The following NECAB1 variants were observed in gnomAD, a reference collection of about 807,000 sequenced individuals.
The protein encoded by NECAB1 is N-terminal EF-hand calcium-binding protein 1.
In NECAB1, 29 loss-of-function variants were observed where a neutral mutation model predicts 57.5. The ratio of observed to expected loss-of-function variants is 0.50; its 90% CI spans 0.38 to 0.69. The LOEUF (loss-of-function observed/expected upper bound fraction) is 0.69, where lower values mean the gene tolerates loss of function less well. Among genes scored for constraint, NECAB1 ranks in the 30% least tolerant of loss-of-function variants. The pLI, the probability that NECAB1 is intolerant of heterozygous loss-of-function variation, is 0.00. For synonymous variants in NECAB1, 142 were observed against 147.7 expected (o/e 0.96, Z 0.28); for missense variants, 372 against 413.8 (o/e 0.90, Z 0.88).
intron 3 of NECAB1, among the ~76,000 whole-genome samples, chr8:90,857,803 A>G (rs2129798177): frequency 6.6e-6 from 1 of 152,276 alleles, no homozygotes; most frequent in South Asian, 2.1e-4. Flanking sequence ...AGAATTTACA[A>G]TAATTAGTGA....
intron 5 of NECAB1, among the ~76,000 whole-genome samples, chr8:90,917,253 G>T (rs1809975588): frequency 6.6e-6 from 1 of 151,910 alleles, no homozygotes; most frequent in Admixed American, 6.6e-5. Flanking sequence ...TTAATCTTGA[G>T]GCAGGTATAT....
chr8:90,855,117 G>C (rs1284856153), intron 3 of NECAB1, among the ~76,000 whole-genome samples: 2 of 152,190 alleles, frequency 1.3e-5, no homozygotes, highest in African/African-American at 4.8e-5. Context: ...ATCTTGGGCA[G>C]AAGCAGTCAT....
At chr8:90,934,452 A>C (rs962554765) in intron 9 of NECAB1, 95 bp downstream of exon 9, 1 of 814,620 alleles carries the variant, frequency 1.2e-6, no homozygotes, top group African/African-American at 1.8e-5. Flanking sequence ...GAAAAATTGA[A>C]AAACCAAGTA....
intron 10 of NECAB1, among the ~76,000 whole-genome samples, chr8:90,948,082 T>G (rs1186289604): frequency 6.6e-6 from 1 of 152,168 alleles, no homozygotes; most frequent in Non-Finnish European, 1.5e-5. Context: ...TTAAGAAAAT[T>G]GATATGGATT....
chr8:90,913,431 A>G (rs374030922), intron 5 of NECAB1, among the ~76,000 whole-genome samples: 10 of 152,262 alleles, frequency 6.6e-5, no homozygotes, highest in African/African-American at 1.9e-4. Context: ...TTACTTTCCC[A>G]TATTCTTTCT....
intron 3 of NECAB1, among the ~76,000 whole-genome samples, chr8:90,863,422 T>C (rs1808447467): frequency 6.6e-6 from 1 of 152,160 alleles, no homozygotes; most frequent in African/African-American, 2.4e-5. Context: ...AGTAACATTC[T>C]TATTTCTCTG....
At position 90,925,670 on chromosome 8, in the gene NECAB1, C is replaced by T. The variant is rs776783424; in HGVS notation, c.616+14C>T. The stretch of plus-strand genomic sequence containing the variant: ...TCAGCGGTCCAGGTAACATACCCTT[C>T]ATTTGTTTTTATTTGTCAAAGTCTA... On this transcript the variant is annotated intron_variant, in intron 7 of 12. Transcript: ENST00000417640. The T allele has an allele frequency of 3.5e-5, 57 of 1,613,200 alleles. No individual in the cohort carries two copies. The highest frequency in any genetic ancestry group is 4.7e-5 in the Non-Finnish European group (56 of 1,179,532).
intron 3 of NECAB1, among the ~76,000 whole-genome samples, chr8:90,856,187 A>G (rs1337617681): frequency 6.6e-6 from 1 of 152,216 alleles, no homozygotes; most frequent in Non-Finnish European, 1.5e-5. Flanking sequence ...TAACAGTTTC[A>G]GTCACTTGTT....
At chr8:90,951,348 T>C in intron 12 of NECAB1, 144 bp downstream of exon 12, 1 of 536,918 alleles carries the variant, frequency 1.9e-6, no homozygotes, top group East Asian at 3.6e-5. Flanking sequence ...GATTTGAGAT[T>C]GGGGGGAAGA....
chr8:90,893,793 G>A (rs1038256198), intron 5 of NECAB1, among the ~76,000 whole-genome samples: 2 of 152,142 alleles, frequency 1.3e-5, no homozygotes, highest in African/African-American at 2.4e-5. Flanking sequence ...GGAAAAGAAA[G>A]GGATTAGCAG....
At chr8:90,801,860 T>G in intron 2 of NECAB1, 145 bp downstream of exon 2, 1 of 545,492 alleles carries the variant, frequency 1.8e-6, no homozygotes, top group Non-Finnish European at 3.1e-6. Flanking sequence ...TTTAGATAAG[T>G]TTTAGGCCCT....
chr8:90,803,582 G>T (rs968922697), intron 2 of NECAB1, among the ~76,000 whole-genome samples: 1 of 152,148 alleles, frequency 6.6e-6, no homozygotes, highest in Non-Finnish European at 1.5e-5. Context: ...ATATCGTGCT[G>T]CATGAAGTGG....
At chr8:90,934,802 A>G (rs1810494694) in intron 9 of NECAB1, among the ~76,000 whole-genome samples, 1 of 152,176 alleles carries the variant, frequency 6.6e-6, no homozygotes, top group African/African-American at 2.4e-5. Context: ...TTTTCAAAGA[A>G]TAAATTGATG....
rs570119013 is a variant in NECAB1 at position 90,804,844 on chromosome 8, G to C, written c.124+3129G>C. Among the ~76,000 whole-genome samples, 6 of 152,248 alleles carry C rather than the reference G, an allele frequency of 3.9e-5. No individual in the cohort carries two copies. In the South Asian group the frequency reaches 1.2e-3, roughly 32 times the overall value. ...GTATGCCACCTAGGAACCTTATAAAGAGCATAGGTAATGACCTCTACCATG... is the reference window on the plus strand; with the variant it reads ...GTATGCCACCTAGGAACCTTATAAACAGCATAGGTAATGACCTCTACCATG... On this transcript the variant is annotated intron_variant, in intron 2 of 12. Coordinates refer to ENST00000417640, the MANE Select transcript of NECAB1 (RefSeq NM_022351.5).
chr8:90,825,082 A>G, intron 3 of NECAB1: 1 of 239,566 alleles, frequency 4.2e-6, no homozygotes, highest in Non-Finnish European at 8.0e-6. Flanking sequence ...ATGTAAAACA[A>G]AGTATAAATT....
intron 9 of NECAB1, among the ~76,000 whole-genome samples, chr8:90,938,546 T>G (rs1053654687): frequency 6.6e-6 from 1 of 152,236 alleles, no homozygotes; most frequent in Non-Finnish European, 1.5e-5. Context: ...AGCGTTTTTT[T>G]GGATTTCAGA....
At chr8:90,875,844 C>CAAAAAAAAAAAAA (rs5893141) in intron 4 of NECAB1, among the ~76,000 whole-genome samples, 3 of 88,440 alleles carry the variant, frequency 3.4e-5, no homozygotes, top group East Asian at 3.0e-4. Flanking sequence ...ACTAAAAATA[C>CAAAAAAAAAAAAA]AAAAAAAAAA....
At chr8:90,929,064 T>C (rs1197142356) in intron 8 of NECAB1, among the ~76,000 whole-genome samples, 2 of 152,212 alleles carry the variant, frequency 1.3e-5, no homozygotes, top group African/African-American at 4.8e-5. Context: ...TGTCTACTTA[T>C]AAAACTAAGC....
chr8:90,940,688 A>T (rs1271867054), intron 9 of NECAB1, 98 bp from the exon 10 acceptor site: 1 of 831,528 alleles, frequency 1.2e-6, no homozygotes, highest in Non-Finnish European at 2.0e-6. Flanking sequence ...GATGACAATC[A>T]TCTGTTTTTG....
Sources: gnomAD v4.1 joint callset for allele counts (sites outside exome capture counted in the v4.1 genomes callset) on GRCh38, gnomAD v4.1.1 for gene constraint, MANE v1.5 for transcripts, NCBI Gene and HGNC (gene_info 2026-07-23, HGNC 2026-07-21) for gene names.